FBXO11: variants seen among roughly 807,000 people sequenced by gnomAD.
FBXO11 encodes F-box protein 11, also known as F-box only protein 11.
Under a neutral mutation model 117.0 loss-of-function variants are expected in FBXO11, and 13 were observed. That is an observed-to-expected ratio of 0.11 (90% confidence interval 0.07 to 0.18). The LOEUF is 0.18. Ranked by LOEUF, FBXO11 falls within the 10% of genes least tolerant of loss-of-function variation. The pLI, the probability that FBXO11 is intolerant of heterozygous loss-of-function variation, is 1.00. For synonymous variants in FBXO11, 490 were observed against 380.5 expected (o/e 1.29, Z -3.35); for missense variants, 767 against 1,164.4 (o/e 0.66, Z 4.97).
intron 11 of FBXO11, among the ~76,000 whole-genome samples, chr2:47,826,455 C>T (rs1246782655): frequency 6.6e-6 from 1 of 152,164 alleles, no homozygotes; most frequent in Admixed American, 6.6e-5. Context: ...TTTTGATTCA[C>T]ATCTATTTTA....
At chr2:47,826,653 C>A (rs1318479642) in intron 11 of FBXO11, among the ~76,000 whole-genome samples, 1 of 152,132 alleles carries the variant, frequency 6.6e-6, no homozygotes, top group African/African-American at 2.4e-5. Flanking sequence ...CAGAGTTGAG[C>A]CATAAAATAT....
chr2:47,820,945 A>G (rs1421648442), intron 13 of FBXO11, among the ~76,000 whole-genome samples: 1 of 152,222 alleles, frequency 6.6e-6, no homozygotes, highest in African/African-American at 2.4e-5. Context: ...TGGCACACAG[A>G]TATCTACTGA....
At chr2:47,842,073 T>C (rs1012999260) in intron 1 of FBXO11, among the ~76,000 whole-genome samples, 4 of 151,894 alleles carry the variant, frequency 2.6e-5, no homozygotes, top group East Asian at 1.9e-4. Context: ...TGGAGTGCAG[T>C]TGCGCGATCT....
chr2:47,892,590 G>A (rs1677337126), intron 1 of FBXO11, among the ~76,000 whole-genome samples: 1 of 152,154 alleles, frequency 6.6e-6, no homozygotes, highest in Non-Finnish European at 1.5e-5. Flanking sequence ...GATTCATAAA[G>A]GCATCCTGGG....
At chr2:47,811,951 C>A (rs138075664) in intron 18 of FBXO11, among the ~76,000 whole-genome samples, 2,009 of 152,062 alleles carry the variant, frequency 0.013, 32 homozygotes, top group African/African-American at 0.043. Context: ...ACCCCCTGCC[C>A]CCCCAACCTT....
At chr2:47,839,906 G>C (rs1255139167) in intron 1 of FBXO11, 137 bp from the exon 2 acceptor site, 20 of 664,926 alleles carry the variant, frequency 3.0e-5, no homozygotes, top group Non-Finnish European at 4.6e-5. Context: ...CAACTGGATA[G>C]CTATATGAAA....
chr2:47,861,424 T>C (rs1674766501), intron 1 of FBXO11, among the ~76,000 whole-genome samples: 1 of 151,558 alleles, frequency 6.6e-6, no homozygotes, highest in Admixed American at 6.6e-5. Flanking sequence ...GCTCAAGTGA[T>C]CCTTCCACCT....
chr2:47,848,804 GTCTTGACTC>G (rs1252947498), intron 1 of FBXO11, among the ~76,000 whole-genome samples: 1 of 152,094 alleles, frequency 6.6e-6, no homozygotes, highest in Non-Finnish European at 1.5e-5. Context: ...ATTCCTAACT[GTCTTGACTC>G]TATTTATTCT....
chr2:47,828,530 G>A (rs1379751903), intron 11 of FBXO11, among the ~76,000 whole-genome samples: 1 of 151,536 alleles, frequency 6.6e-6, no homozygotes, highest in African/African-American at 2.4e-5. Flanking sequence ...ATTGCTTGAA[G>A]CCTGGAAGGT....
intron 1 of FBXO11, among the ~76,000 whole-genome samples, chr2:47,899,415 A>C (rs1677929245): frequency 6.6e-6 from 1 of 152,134 alleles, no homozygotes; most frequent in Admixed American, 6.6e-5. Flanking sequence ...TTTTATATTT[A>C]AAAGACCTAT....
At chr2:47,886,272 C>T (rs1237865953) in intron 1 of FBXO11, among the ~76,000 whole-genome samples, 2 of 151,858 alleles carry the variant, frequency 1.3e-5, no homozygotes, top group Non-Finnish European at 2.9e-5. Context: ...TTTGGGAGGC[C>T]GAGGCAGGCA....
At chr2:47,888,105 T>G (rs1056278232) in intron 1 of FBXO11, among the ~76,000 whole-genome samples, 1 of 130,384 alleles carries the variant, frequency 7.7e-6, no homozygotes, top group Non-Finnish European at 1.7e-5. Flanking sequence ...CAGGCACTCA[T>G]GATCTACACC....
intron 16 of FBXO11, among the ~76,000 whole-genome samples, chr2:47,816,874 G>A (rs1296639066): frequency 1.3e-5 from 2 of 152,174 alleles, no homozygotes; most frequent in Non-Finnish European, 2.9e-5. Flanking sequence ...CGCACAGGCA[G>A]AGTAGATTTA....
intron 1 of FBXO11, among the ~76,000 whole-genome samples, chr2:47,902,044 T>TC (rs1678337845): frequency 1.3e-5 from 2 of 152,226 alleles, no homozygotes; most frequent in Admixed American, 6.5e-5. Flanking sequence ...CAAGCGATTC[T>TC]CCTGCCTCAG....
intron 4 of FBXO11, chr2:47,836,866 C>A: frequency 6.0e-6 from 2 of 330,864 alleles, no homozygotes; most frequent in Non-Finnish European, 1.2e-5. Context: ...TCATTGCAGC[C>A]TTAACCTCCC....
chr2:47,859,124 T>G lies in FBXO11; in HGVS notation c.233-19355A>C, dbSNP rs72811505. Among the ~76,000 whole-genome samples the G allele has an allele frequency of 5.7e-3, 868 of 152,006 alleles. 8 individuals carry two copies. Among genetic ancestry groups the G allele is most frequent in the South Asian group, 0.023 (110 of 4,822 alleles). On this transcript the variant is annotated intron_variant, in intron 1 of 22. Coordinates refer to ENST00000403359, the MANE Select transcript of FBXO11 (RefSeq NM_001190274.2). ...TAAAGGAATTCATATCAACATTTAC[T>G]TCAACTCTTAATGGCACTAACAGAA...
intron 1 of FBXO11, among the ~76,000 whole-genome samples, chr2:47,876,277 T>C (rs1377624348): frequency 1.3e-5 from 2 of 152,192 alleles, no homozygotes; most frequent in African/African-American, 4.8e-5. Flanking sequence ...TTGTCTAGAG[T>C]TTTGATTCTA....
Position 47,903,782 on chromosome 2 carries a change from A to G in FBXO11, c.232+1707T>C, listed in dbSNP as rs75059601. On this transcript the variant is annotated intron_variant, in intron 1 of 22. Coordinates refer to ENST00000403359, the MANE Select transcript of FBXO11 (RefSeq NM_001190274.2). ...ATCGAGTGTCATTGTTTTCTCAAAC[A>G]TATTTGTCAGCTGTACTGCATACAG... 6.7e-3 allele frequency among the ~76,000 whole-genome samples: 1,027 copies of G among 152,348 alleles called. 11 individuals are homozygous for G. The highest frequency in any genetic ancestry group is 0.015 in the South Asian group (72 of 4,830).
intron 1 of FBXO11, among the ~76,000 whole-genome samples, chr2:47,842,151 G>C (rs1222568125): frequency 2.0e-5 from 3 of 151,458 alleles, no homozygotes; most frequent in Non-Finnish European, 4.4e-5. Context: ...GAGTAGCTGG[G>C]ACTACAGGTG....
Sources: allele counts gnomAD v4.1 joint callset (sites outside exome capture counted in the v4.1 genomes callset), GRCh38; gene constraint gnomAD v4.1.1; transcripts MANE v1.5; gene names NCBI Gene and HGNC (gene_info 2026-07-23, HGNC 2026-07-21).